GRID2: variants seen among roughly 807,000 people sequenced by gnomAD.
The protein encoded by GRID2 is glutamate ionotropic receptor delta type subunit 2, also known as glutamate receptor ionotropic, delta-2.
In GRID2, 33 loss-of-function variants were observed where a neutral mutation model predicts 114.8. That is an observed-to-expected ratio of 0.29 (90% CI 0.22 to 0.38). The LOEUF is 0.38. Ranked by LOEUF, GRID2 falls within the 10% of genes least tolerant of loss-of-function variation. The pLI, the probability that GRID2 is intolerant of heterozygous loss-of-function variation, is 1.00. For missense variants in GRID2, 1,184 were observed against 1,257.7 expected (o/e 0.94, Z 0.89); for synonymous variants, 505 against 449.9 (o/e 1.12, Z -1.55).
chr4:93,334,602 T>A (rs1758840639), intron 8 of GRID2, among the ~76,000 whole-genome samples: 1 of 152,194 alleles, frequency 6.6e-6, no homozygotes, highest in Admixed American at 6.5e-5. Flanking sequence ...GCATTGGGTT[T>A]AAGAAGAACA....
chr4:92,804,938 A>G (rs1560602252), intron 2 of GRID2, among the ~76,000 whole-genome samples: 2 of 151,996 alleles, frequency 1.3e-5, no homozygotes, highest in South Asian at 2.1e-4. Flanking sequence ...ACATTATCCA[A>G]CTTTATGTGG....
chr4:93,026,958 ATGTT>A (rs1157806882), intron 2 of GRID2, among the ~76,000 whole-genome samples: 1 of 152,094 alleles, frequency 6.6e-6, no homozygotes, highest in African/African-American at 2.4e-5. Flanking sequence ...GATGAGAAGA[ATGTT>A]TGTACAGATG....
intron 2 of GRID2, among the ~76,000 whole-genome samples, chr4:92,946,724 G>A (rs1415899479): frequency 3.9e-5 from 6 of 152,068 alleles, no homozygotes; most frequent in Admixed American, 3.9e-4. Context: ...ACAACTTTCT[G>A]TACCTTACAG....
rs766028764 is a variant in GRID2 at position 93,570,423 on chromosome 4, A to G, written c.2193+55012A>G. 7.4e-4 allele frequency among the ~76,000 whole-genome samples: 112 copies of G among 152,192 alleles called. 1 individual carries two copies. The highest frequency in any genetic ancestry group is 2.5e-4 in the Non-Finnish European group (17 of 68,040). On this transcript the variant is annotated intron_variant, in intron 13 of 15. Coordinates refer to ENST00000282020, the MANE Select transcript of GRID2 (RefSeq NM_001510.4). ...GAAAAATAGGAAAGCTAAGTAAGAT[A>G]AGTGGAGGAAGATAGAAAAAAGTGG...
At chr4:93,322,030 T>A (rs558524867) in intron 8 of GRID2, among the ~76,000 whole-genome samples, 1 of 149,790 alleles carries the variant, frequency 6.7e-6, no homozygotes, top group Non-Finnish European at 1.5e-5. Context: ...GGATATTTTT[T>A]CTTATTTCTT....
At chr4:93,328,914 G>T (rs1447811394) in intron 8 of GRID2, among the ~76,000 whole-genome samples, 6 of 152,162 alleles carry the variant, frequency 3.9e-5, no homozygotes, top group South Asian at 2.1e-4. Flanking sequence ...TAAAACTCTA[G>T]AGAAGGCCGA....
chr4:93,252,020 TG>T (rs1264085913), intron 8 of GRID2, among the ~76,000 whole-genome samples: 2 of 152,116 alleles, frequency 1.3e-5, no homozygotes, highest in Non-Finnish European at 2.9e-5. Context: ...CTGGGTTTAG[TG>T]GTATTTCAGT....
chr4:92,795,798 T>A (rs1035045606), intron 2 of GRID2, among the ~76,000 whole-genome samples: 1 of 151,988 alleles, frequency 6.6e-6, no homozygotes, highest in Non-Finnish European at 1.5e-5. Flanking sequence ...TGGAACGGGT[T>A]CAAAAGCACT....
In GRID2 at chr4:92,652,881, A is replaced by T. The variant is rs867980794; in HGVS notation, c.244+62595A>T. Among the ~76,000 whole-genome samples the T allele has an allele frequency of 6.3e-4, 76 of 121,308 alleles. 4 individuals are homozygous for T. The highest frequency in any genetic ancestry group is 8.0e-4 in the Non-Finnish European group (47 of 58,874). The allele number at this position is 121,308 out of a possible 152,430, so 79.6% of individuals were successfully genotyped here. A position where few individuals can be genotyped will look rare whatever the true frequency, so the allele number is the denominator to read the frequency against. ...ATATAAATACATATAAATATATAAAAATATATTTATAAATACATATAAATA... is the reference window on the plus strand; with the variant it reads ...ATATAAATACATATAAATATATAAATATATATTTATAAATACATATAAATA... On this transcript the variant is annotated intron_variant, in intron 2 of 15. Transcript: ENST00000282020.
At chr4:93,758,869 A>AT (rs1335188415) in intron 14 of GRID2, among the ~76,000 whole-genome samples, 1 of 152,058 alleles carries the variant, frequency 6.6e-6, no homozygotes, top group Non-Finnish European at 1.5e-5. Flanking sequence ...AGAATGAAAT[A>AT]TTTTTTCTCC....
chr4:93,517,565 G>A (rs931816901), intron 13 of GRID2, among the ~76,000 whole-genome samples: 1 of 152,114 alleles, frequency 6.6e-6, no homozygotes, highest in East Asian at 1.9e-4. Context: ...ATTAGACAGA[G>A]AGCAGCTAAT....
At chr4:93,630,597 A>G (rs976139405) in intron 14 of GRID2, among the ~76,000 whole-genome samples, 9 of 152,246 alleles carry the variant, frequency 5.9e-5, no homozygotes, top group Non-Finnish European at 8.8e-5. Context: ...CTTGGGATAT[A>G]GAACTACCCA....
intron 8 of GRID2, among the ~76,000 whole-genome samples, chr4:93,275,474 C>G (rs1466944173): frequency 2.7e-5 from 4 of 150,866 alleles, no homozygotes; most frequent in African/African-American, 7.3e-5. Flanking sequence ...ATGATCCTTC[C>G]TTTGGTAACT....
At chr4:93,725,432 C>T (rs1448471526) in intron 14 of GRID2, among the ~76,000 whole-genome samples, 3 of 152,074 alleles carry the variant, frequency 2.0e-5, no homozygotes, top group Non-Finnish European at 4.4e-5. Context: ...TGAACAGTGC[C>T]GCAATAAACA....
chr4:93,299,879 C>A (rs1754688341), intron 8 of GRID2, among the ~76,000 whole-genome samples: 1 of 152,082 alleles, frequency 6.6e-6, no homozygotes, highest in African/African-American at 2.4e-5. Context: ...ATGCTTCATG[C>A]ATACACATAA....
chr4:93,453,631 T>G (rs1203577315), intron 10 of GRID2, among the ~76,000 whole-genome samples: 2 of 152,120 alleles, frequency 1.3e-5, no homozygotes, highest in Non-Finnish European at 2.9e-5. Flanking sequence ...GTATCCATTA[T>G]TAAAATCAGT....
At chr4:93,161,276 C>T (rs975979270) in intron 4 of GRID2, among the ~76,000 whole-genome samples, 1 of 151,846 alleles carries the variant, frequency 6.6e-6, no homozygotes, top group African/African-American at 2.4e-5. Context: ...AGAAATCAAG[C>T]AATAGAAGTA....
At chr4:93,389,332 G>A (rs925808781) in intron 8 of GRID2, among the ~76,000 whole-genome samples, 3 of 152,100 alleles carry the variant, frequency 2.0e-5, no homozygotes, top group Non-Finnish European at 4.4e-5. Flanking sequence ...ATAATATTGT[G>A]ATCTGATAGA....
At chr4:93,175,952 A>T (rs920046695) in intron 4 of GRID2, among the ~76,000 whole-genome samples, 5 of 152,266 alleles carry the variant, frequency 3.3e-5, no homozygotes, top group African/African-American at 1.2e-4. Context: ...TCTTTCTCAG[A>T]CAGTCATGAG....
Sources: gnomAD v4.1 joint callset for allele counts (sites outside exome capture counted in the v4.1 genomes callset) on GRCh38, gnomAD v4.1.1 for gene constraint, MANE v1.5 for transcripts, NCBI Gene and HGNC (gene_info 2026-07-23, HGNC 2026-07-21) for gene names.